The following CAST variants were observed in gnomAD, a reference collection of about 807,000 sequenced individuals.
CAST encodes the protein calpastatin.
CAST carries 76 observed loss-of-function variants against 119.6 expected under a neutral mutation model. The observed-to-expected ratio is 0.64, with a 90% CI of 0.53 to 0.77. The LOEUF (loss-of-function observed/expected upper bound fraction) is 0.77. CAST is among the 30% of genes least tolerant of loss of function. The probability of loss-of-function intolerance (pLI) is 0.00; values close to 1 mark genes in which losing one functional copy is unlikely to be tolerated. For missense variants in CAST, 953 were observed against 946.5 expected, an observed-to-expected ratio of 1.01 and a Z score of -0.09; for synonymous variants, 319 against 331.6, an observed-to-expected ratio of 0.96 and a Z score of 0.41.
At chr5:96,680,370 AAAAAAAAAAGAAG>A (rs781130150) in intron 2 of CAST, among the ~76,000 whole-genome samples, 5,745 of 139,334 alleles carry the variant, frequency 0.041, 142 homozygotes, top group Middle Eastern at 0.08. Context: ...AAAAAAAAAA[AAAAAAAAAAGAAG>A]AAGAAGAAAA....
chr5:96,140,878 A>C, the CAST span, among the ~76,000 whole-genome samples: 11 of 151,702 alleles, frequency 7.3e-5, no homozygotes, highest in Non-Finnish European at 1.3e-4. Context: ...CTATTGTAAC[A>C]CTCCTCACTC....
intron 1 of CAST, among the ~76,000 whole-genome samples, chr5:96,559,420 C>T (rs1475312859): frequency 5.9e-5 from 9 of 152,200 alleles, no homozygotes; most frequent in African/African-American, 2.2e-4. Context: ...GTCAAATTGT[C>T]CCTGTTTGCA....
At chr5:96,497,354 A>G in the CAST span, among the ~76,000 whole-genome samples, 3 of 152,216 alleles carry the variant, frequency 2.0e-5, no homozygotes, top group African/African-American at 7.2e-5. Context: ...AGCATGATTT[A>G]TAATCCTTTG....
chr5:96,771,711 G>A lies in CAST; in HGVS notation c.*23+9G>A, dbSNP rs1489453419. On this transcript the variant is annotated intron_variant, in intron 31 of 31. Transcript: ENST00000675179. ...ACAAGTTAAGGTATCTGGTAAGTTG[G>A]GTGTTTATTTGTAAATGAAGACAAC... The A allele has an allele frequency of 1.3e-6, 2 of 1,578,134 alleles. No individual in the cohort carries two copies. Among genetic ancestry groups the A allele is most frequent in the African/African-American group, 2.7e-5 (2 of 73,900 alleles).
the CAST span, among the ~76,000 whole-genome samples, chr5:96,326,735 C>T: frequency 3.3e-5 from 4 of 121,690 alleles, no homozygotes; most frequent in Non-Finnish European, 4.8e-5. Flanking sequence ...CAGCATCTGT[C>T]GCATTATCTG....
the CAST span, among the ~76,000 whole-genome samples, chr5:96,262,579 G>T: frequency 6.6e-6 from 1 of 152,100 alleles, no homozygotes; most frequent in Admixed American, 6.5e-5. Context: ...CTCCAAGCTG[G>T]AGTGCAGTGG....
At chr5:96,537,488 A>G (rs537911140) in intron 1 of CAST, among the ~76,000 whole-genome samples, 1 of 152,314 alleles carries the variant, frequency 6.6e-6, no homozygotes, top group East Asian at 1.9e-4. Context: ...TGAGCCATTG[A>G]TGGCCTTGAG....
rs6890616 is a variant in CAST, at chr5:96,758,950, C to T, written c.1833+1296C>T. ...TAGTGGGGAACAAGATCTCAATTCC[C>T]TTCCTCCTCCTATCATTATTATTAT... is the stretch of plus-strand genomic sequence containing the variant. On this transcript the variant is annotated intron_variant, in intron 24 of 31. Transcript: ENST00000675179. 4.1e-3 allele frequency among the ~76,000 whole-genome samples: 618 copies of T among 152,276 alleles called. 2 individuals are homozygous for T. Among genetic ancestry groups the T allele is most frequent in the African/African-American group, 0.014 (588 of 41,548 alleles).
the CAST span, among the ~76,000 whole-genome samples, chr5:96,033,971 C>G: frequency 3.3e-5 from 5 of 151,814 alleles, no homozygotes; most frequent in African/African-American, 1.2e-4. Context: ...AACAAATCAC[C>G]CAATTAAAAA....
At chr5:96,753,957 T>TG in intron 20 of CAST, 103 bp from the exon 21 acceptor site, 3 of 700,630 alleles carry the variant, frequency 4.3e-6, no homozygotes, top group African/African-American at 1.8e-5. Flanking sequence ...AGATAGCGTG[T>TG]GCCTTTTATC....
chr5:96,291,168 T>C, the CAST span, among the ~76,000 whole-genome samples: 1 of 152,208 alleles, frequency 6.6e-6, no homozygotes, highest in African/African-American at 2.4e-5. Context: ...TCTTGACTCT[T>C]GAGAGAGCCT....
At chr5:96,731,116 A>G (rs1360377696) in intron 9 of CAST, among the ~76,000 whole-genome samples, 2 of 152,216 alleles carry the variant, frequency 1.3e-5, no homozygotes, top group African/African-American at 4.8e-5. Flanking sequence ...AGGACATTAA[A>G]ATGTGAGTTG....
the CAST span, among the ~76,000 whole-genome samples, chr5:96,452,678 C>T: frequency 4.5e-5 from 6 of 133,948 alleles, no homozygotes; most frequent in South Asian, 2.3e-4. Flanking sequence ...AGGCCGGGCG[C>T]GGTGGCTCAC....
At chr5:96,486,932 A>G in the CAST span, among the ~76,000 whole-genome samples, 48 of 151,674 alleles carry the variant, frequency 3.2e-4, no homozygotes, top group South Asian at 9.7e-3. Flanking sequence ...AAAAAAGCCA[A>G]TCAAAAATTG....
At chr5:95,967,151 G>A in the CAST span, among the ~76,000 whole-genome samples, 1 of 152,158 alleles carries the variant, frequency 6.6e-6, no homozygotes, top group Non-Finnish European at 1.5e-5. Flanking sequence ...GGAAGACATG[G>A]GGTGGGGAGG....
the CAST span, chr5:96,390,713 T>C: frequency 5.2e-5 from 8 of 152,738 alleles, no homozygotes; most frequent in South Asian, 2.1e-4. Flanking sequence ...AAAGAAAATA[T>C]AGTTTAAAAT....
the CAST span, among the ~76,000 whole-genome samples, chr5:96,075,368 T>G: frequency 6.6e-6 from 1 of 152,232 alleles, no homozygotes; most frequent in African/African-American, 2.4e-5. Flanking sequence ...CATGTTTTCC[T>G]ATTAGTTACG....
the CAST span, chr5:96,079,223 G>A: frequency 1.2e-5 from 5 of 408,786 alleles, no homozygotes; most frequent in South Asian, 9.1e-5. Context: ...ACTTTCCCCT[G>A]GGCCCCCTTC....
chr5:96,720,721 A>T (rs1003841717), intron 3 of CAST, among the ~76,000 whole-genome samples: 5 of 152,236 alleles, frequency 3.3e-5, no homozygotes, highest in African/African-American at 7.2e-5. Context: ...CTGGAATTTG[A>T]GGATCACTTC....
Sources: gnomAD v4.1 joint callset for allele counts (sites outside exome capture counted in the v4.1 genomes callset) on GRCh38, gnomAD v4.1.1 for gene constraint, MANE v1.5 for transcripts, NCBI Gene and HGNC (gene_info 2026-07-23, HGNC 2026-07-21) for gene names.